Variants in RABGAP1L observed in about 807,000 individuals in gnomAD.
RABGAP1L encodes rab GTPase-activating protein 1-like.
RABGAP1L carries 63 observed loss-of-function variants against 137.7 expected under a neutral mutation model. The ratio of observed to expected loss-of-function variants is 0.46; its 90% CI spans 0.37 to 0.56. The LOEUF (loss-of-function observed/expected upper bound fraction) is 0.56, where lower values mean the gene tolerates loss of function less well. RABGAP1L is among the 20% of genes least tolerant of loss of function. RABGAP1L has a pLI of 0.00. For missense variants in RABGAP1L, 1,095 were observed against 1,244.0 expected (o/e 0.88, Z 1.80); for synonymous variants, 431 against 433.7 (o/e 0.99, Z 0.08).
intron 17 of RABGAP1L, among the ~76,000 whole-genome samples, chr1:174,747,628 A>T (rs1341051058): frequency 6.6e-6 from 1 of 152,132 alleles, no homozygotes; most frequent in Non-Finnish European, 1.5e-5. Context: ...ATTTACATAC[A>T]TAAATTTTTC....
At chr1:174,946,978 G>A (rs192595774) in intron 19 of RABGAP1L, among the ~76,000 whole-genome samples, 25,239 of 103,724 alleles carry the variant, frequency 0.24, 3,782 homozygotes, top group Middle Eastern at 0.29. Flanking sequence ...GTGTGTGTGT[G>A]TGTATATATA....
intron 13 of RABGAP1L, among the ~76,000 whole-genome samples, chr1:174,421,560 A>G (rs1028731413): frequency 1.3e-5 from 2 of 152,128 alleles, no homozygotes; most frequent in Admixed American, 1.3e-4. Flanking sequence ...AGCACTTCTT[A>G]TGGTTCAGGT....
At chr1:174,222,060 C>T (rs1463351633) in intron 3 of RABGAP1L, among the ~76,000 whole-genome samples, 1 of 150,798 alleles carries the variant, frequency 6.6e-6, no homozygotes, top group Non-Finnish European at 1.5e-5. Context: ...GAATTCCTGG[C>T]TTCAGGTGAT....
chr1:174,339,347 TC>T (rs1681761705), intron 11 of RABGAP1L, among the ~76,000 whole-genome samples: 2 of 152,310 alleles, frequency 1.3e-5, no homozygotes, highest in African/African-American at 4.8e-5. Context: ...AGCTAGTATT[TC>T]ATTATACAGG....
chr1:174,517,430 T>G (rs1662966646), intron 13 of RABGAP1L, among the ~76,000 whole-genome samples: 1 of 152,148 alleles, frequency 6.6e-6, no homozygotes, highest in Admixed American at 6.5e-5. Context: ...GGAAAGTGAC[T>G]AGACCAGTGA....
chr1:174,474,130 T>C (rs2149314549), intron 13 of RABGAP1L, among the ~76,000 whole-genome samples: 1 of 152,316 alleles, frequency 6.6e-6, no homozygotes, highest in East Asian at 1.9e-4. Context: ...TCCTAGTATA[T>C]AGTAGGTAGT....
intron 19 of RABGAP1L, among the ~76,000 whole-genome samples, chr1:174,956,703 A>G (rs537931974): frequency 5.4e-5 from 8 of 147,106 alleles, no homozygotes; most frequent in Non-Finnish European, 8.9e-5. Context: ...GCTGGAGTGC[A>G]GTGGTACAAT....
chr1:174,349,961 C>A (rs1682951155), intron 11 of RABGAP1L, among the ~76,000 whole-genome samples: 3 of 129,812 alleles, frequency 2.3e-5, no homozygotes, highest in Non-Finnish European at 3.4e-5. Context: ...GGTGGGGGGG[C>A]TGACCCCCCC....
At chr1:174,743,405 A>G (rs12093450) in intron 17 of RABGAP1L, among the ~76,000 whole-genome samples, 1 of 152,178 alleles carries the variant, frequency 6.6e-6, no homozygotes, top group African/African-American at 2.4e-5. Context: ...CAAAAACGTC[A>G]ATTTCTATGT....
chr1:174,961,845 CAAAAAAA>C (rs61233451), intron 20 of RABGAP1L, among the ~76,000 whole-genome samples: 113 of 88,736 alleles, frequency 1.3e-3, no homozygotes, highest in African/African-American at 3.7e-3. Context: ...GACTCTGTCT[CAAAAAAA>C]AAAAAAAAAA....
intron 19 of RABGAP1L, among the ~76,000 whole-genome samples, chr1:174,830,443 T>C (rs748188882): frequency 6.8e-6 from 1 of 147,924 alleles, no homozygotes; most frequent in Non-Finnish European, 1.5e-5. Context: ...TTTCCTTTTA[T>C]ATAATTTGGT....
chr1:174,400,285 A>C (rs1220423875), intron 13 of RABGAP1L, among the ~76,000 whole-genome samples: 2 of 152,138 alleles, frequency 1.3e-5, no homozygotes, highest in Non-Finnish European at 2.9e-5. Flanking sequence ...CTCCATTATA[A>C]TACTATGTCA....
intron 15 of RABGAP1L, among the ~76,000 whole-genome samples, chr1:174,695,606 G>A (rs949475840): frequency 4.6e-5 from 7 of 152,048 alleles, no homozygotes; most frequent in African/African-American, 1.7e-4. Flanking sequence ...TTGGTCCCTG[G>A]TACCTTGTTT....
At chr1:174,538,676 G>A (rs751616142) in intron 13 of RABGAP1L, among the ~76,000 whole-genome samples, 1 of 151,982 alleles carries the variant, frequency 6.6e-6, no homozygotes, top group African/African-American at 2.4e-5. Context: ...ATCTTTCAAA[G>A]AACTACTTTG....
intron 25 of RABGAP1L, among the ~76,000 whole-genome samples, chr1:174,989,465 C>A (rs1369059062): frequency 1.3e-5 from 2 of 152,166 alleles, no homozygotes; most frequent in African/African-American, 4.8e-5. Flanking sequence ...TAGGGCAAAG[C>A]CTATTTCTTT....
chr1:174,359,046 A>G (rs1683908040), intron 11 of RABGAP1L, among the ~76,000 whole-genome samples: 1 of 152,174 alleles, frequency 6.6e-6, no homozygotes, highest in South Asian at 2.1e-4. Context: ...GAAAAGTAGG[A>G]TTTAGCTAAG....
intron 13 of RABGAP1L, among the ~76,000 whole-genome samples, chr1:174,619,705 T>C (rs1332170332): frequency 5.3e-5 from 8 of 152,122 alleles, no homozygotes; most frequent in African/African-American, 1.9e-4. Flanking sequence ...GTAAAGACCA[T>C]CGAGGCTAGG....
rs1472887741 is a variant in RABGAP1L, at chr1:174,403,243, GTGTGTA to G, written c.1710+9100_1710+9105del. 2.1e-4 allele frequency among the ~76,000 whole-genome samples: 25 copies of G among 120,260 alleles called. 1 individual carries two copies. Among genetic ancestry groups the G allele is most frequent in the African/African-American group, 6.7e-4 (17 of 25,258 alleles). The allele number at this position is 120,260 out of a possible 152,430, so 78.9% of individuals were successfully genotyped here. ...TGTGTGTGTGTGTGTGTGTGTGTGT[GTGTGTA>G]TATATATGTGTATACCATTTCTTTT... On this transcript the variant is annotated intron_variant, in intron 13 of 25. Coordinates refer to ENST00000681986, the MANE Select transcript of RABGAP1L (RefSeq NM_001366446.1).
At chr1:174,248,885 C>G (rs1473103380) in intron 5 of RABGAP1L, among the ~76,000 whole-genome samples, 2 of 152,154 alleles carry the variant, frequency 1.3e-5, no homozygotes, top group African/African-American at 4.8e-5. Context: ...ATCTGTACTT[C>G]CCAATGTGAC....
Sources: gnomAD v4.1 joint callset for allele counts (sites outside exome capture counted in the v4.1 genomes callset) on GRCh38, gnomAD v4.1.1 for gene constraint, MANE v1.5 for transcripts, NCBI Gene and HGNC (gene_info 2026-07-23, HGNC 2026-07-21) for gene names.